MGAT4C: variants seen among roughly 807,000 people sequenced by gnomAD.
The protein encoded by MGAT4C is MGAT4 family member C, also known as alpha-1,3-mannosyl-glycoprotein 4-beta-N-acetylglucosaminyltransferase C.
Under a neutral mutation model 40.1 loss-of-function variants are expected in MGAT4C, and 19 were observed. That is an observed-to-expected ratio of 0.47 (90% CI 0.33 to 0.70). MGAT4C has a LOEUF of 0.70. MGAT4C is among the 30% of genes least tolerant of loss of function. The probability of loss-of-function intolerance (pLI) is 0.02; values close to 1 mark genes in which losing one functional copy is unlikely to be tolerated. For missense variants in MGAT4C, 491 were observed against 563.2 expected, an observed-to-expected ratio of 0.87 and a Z score of 1.30; for synonymous variants, 181 against 187.1, an observed-to-expected ratio of 0.97 and a Z score of 0.27.
chr12:86,161,474 A>G (rs1205565535), intron 1 of MGAT4C, among the ~76,000 whole-genome samples: 1 of 152,118 alleles, frequency 6.6e-6, no homozygotes, highest in Non-Finnish European at 1.5e-5. Context: ...TTGAAGCTGG[A>G]CCCTACCTTT....
chr12:86,427,460 C>A (rs1453642270), intron 3 of MGAT4C, among the ~76,000 whole-genome samples: 1 of 151,862 alleles, frequency 6.6e-6, no homozygotes, highest in Admixed American at 6.6e-5. Flanking sequence ...CTTAATGAAG[C>A]ATAATTTTGT....
At chr12:86,477,576 AT>A (rs1252890449) in intron 2 of MGAT4C, among the ~76,000 whole-genome samples, 32 of 152,092 alleles carry the variant, frequency 2.1e-4, no homozygotes, top group African/African-American at 6.5e-4. Context: ...AGATAAAAAA[AT>A]GTCCTTTTTC....
intron 1 of MGAT4C, among the ~76,000 whole-genome samples, chr12:86,051,512 ATT>A (rs1387646018): frequency 2.0e-5 from 3 of 151,890 alleles, no homozygotes; most frequent in Non-Finnish European, 4.4e-5. Flanking sequence ...AGATATATAT[ATT>A]AAGCCAGATA....
intron 3 of MGAT4C, among the ~76,000 whole-genome samples, chr12:86,387,052 T>C (rs1956065143): frequency 6.6e-6 from 1 of 152,168 alleles, no homozygotes; most frequent in Non-Finnish European, 1.5e-5. Flanking sequence ...TTAAATATTG[T>C]CATAATTTTA....
At chr12:86,755,073 G>T (rs371667800) in intron 1 of MGAT4C, among the ~76,000 whole-genome samples, 1 of 152,088 alleles carries the variant, frequency 6.6e-6, no homozygotes, top group East Asian at 1.9e-4. Context: ...AAGGCATTGT[G>T]CAGATGTGGC....
At chr12:86,110,318 AGTCTCTCTCTCTG>A (rs1877140703) in intron 1 of MGAT4C, among the ~76,000 whole-genome samples, 1 of 84,242 alleles carries the variant, frequency 1.2e-5, no homozygotes, top group Non-Finnish European at 2.5e-5. Flanking sequence ...ATATATATAT[AGTCTCTCTCTCTG>A]TATATAGTCT....
At chr12:86,077,453 C>T (rs1869959858) in intron 1 of MGAT4C, among the ~76,000 whole-genome samples, 1 of 152,128 alleles carries the variant, frequency 6.6e-6, no homozygotes, top group African/African-American at 2.4e-5. Flanking sequence ...TTTCTTAGTA[C>T]AAGCATATAA....
At chr12:86,213,025 G>T (rs1175673991) in intron 1 of MGAT4C, among the ~76,000 whole-genome samples, 4 of 146,372 alleles carry the variant, frequency 2.7e-5, no homozygotes, top group African/African-American at 7.6e-5. Flanking sequence ...TGTGTGTTTT[G>T]TAGATTCAGC....
At chr12:86,203,975 A>AATATATATAGATATATATATATATATAT (rs1950153035) in intron 1 of MGAT4C, among the ~76,000 whole-genome samples, 1 of 137,064 alleles carries the variant, frequency 7.3e-6, no homozygotes, top group Non-Finnish European at 1.6e-5. Context: ...AAAAAAAAGA[A>AATATATATAGATATATATATATATATAT]ATATATATAT....
At chr12:86,147,356 T>C (rs1245236358) in intron 1 of MGAT4C, among the ~76,000 whole-genome samples, 3 of 152,058 alleles carry the variant, frequency 2.0e-5, no homozygotes, top group Non-Finnish European at 4.4e-5. Context: ...ATTCTCCTGC[T>C]TCAGCCTCCC....
At chr12:86,575,318 A>G (rs908986703) in intron 2 of MGAT4C, among the ~76,000 whole-genome samples, 2 of 151,700 alleles carry the variant, frequency 1.3e-5, no homozygotes, top group Non-Finnish European at 2.9e-5. Flanking sequence ...CATTCTTTTT[A>G]ATTTTTGGCA....
chr12:86,070,150 CT>C (rs577752853), intron 1 of MGAT4C, among the ~76,000 whole-genome samples: 124 of 151,592 alleles, frequency 8.2e-4, no homozygotes, highest in Middle Eastern at 3.4e-3. Flanking sequence ...GGTTCTAACA[CT>C]TATCCTCCTT....
intron 1 of MGAT4C, among the ~76,000 whole-genome samples, chr12:86,753,331 T>C (rs58549192): frequency 0.025 from 3,741 of 152,258 alleles, 147 homozygotes; most frequent in African/African-American, 0.085. Context: ...TAAGGGTGTG[T>C]TCTTGCTGCA....
chr12:86,488,278 T>C (rs1484089733), intron 2 of MGAT4C, among the ~76,000 whole-genome samples: 2 of 150,792 alleles, frequency 1.3e-5, no homozygotes, highest in Non-Finnish European at 3.0e-5. Flanking sequence ...ATAGAAAAAT[T>C]AGCTGGGCAT....
At chr12:86,283,459 C>A (rs185486745) in intron 4 of MGAT4C, among the ~76,000 whole-genome samples, 1 of 151,866 alleles carries the variant, frequency 6.6e-6, no homozygotes. Context: ...AAATACTGTA[C>A]ATATTTAGAA....
intron 1 of MGAT4C, among the ~76,000 whole-genome samples, chr12:86,758,385 TTTTTTAAA>T (rs1353565972): frequency 8.0e-6 from 1 of 125,724 alleles, no homozygotes; most frequent in East Asian, 2.3e-4. Context: ...CTTTTTTTTT[TTTTTTAAA>T]AAAAAGAAAC....
chr12:86,336,845 G>T (rs144431555), intron 3 of MGAT4C, among the ~76,000 whole-genome samples: 1 of 152,116 alleles, frequency 6.6e-6, no homozygotes, highest in Non-Finnish European at 1.5e-5. Context: ...TTCAATATTT[G>T]TATGCGAGTT....
chr12:85,986,799 A>G (rs1300647338), intron 3 of MGAT4C, among the ~76,000 whole-genome samples: 1 of 152,202 alleles, frequency 6.6e-6, no homozygotes, highest in Non-Finnish European at 1.5e-5. Flanking sequence ...CACAGGTAAA[A>G]AGATCAAAAG....
intron 3 of MGAT4C, among the ~76,000 whole-genome samples, chr12:86,414,002 GT>G (rs1956655998): frequency 6.6e-6 from 1 of 151,986 alleles, no homozygotes; most frequent in Admixed American, 6.6e-5. Context: ...TTAAAACCAA[GT>G]TTTGACTGCC....
Sources: gnomAD v4.1 joint callset for allele counts (sites outside exome capture counted in the v4.1 genomes callset) on GRCh38, gnomAD v4.1.1 for gene constraint, MANE v1.5 for transcripts, NCBI Gene and HGNC (gene_info 2026-07-23, HGNC 2026-07-21) for gene names.